The following OPCML variants were observed in gnomAD, a reference collection of about 807,000 sequenced individuals.
OPCML encodes the protein opioid binding protein/cell adhesion molecule like.
A neutral mutation model predicts 37.8 loss-of-function variants in OPCML; 13 were observed. That is an observed-to-expected ratio of 0.34 (90% CI 0.22 to 0.55). The LOEUF is 0.55. OPCML is among the 20% of genes least tolerant of loss of function. The pLI is 0.91. For synonymous variants in OPCML, 176 were observed against 168.8 expected (o/e 1.04, Z -0.33); for missense variants, 341 against 435.6 (o/e 0.78, Z 1.93).
intron 4 of OPCML, among the ~76,000 whole-genome samples, chr11:132,496,111 A>G (rs1423673150): frequency 6.6e-6 from 1 of 152,112 alleles, no homozygotes; most frequent in Non-Finnish European, 1.5e-5. Flanking sequence ...GACAAATCTG[A>G]ATTCCCCCCA....
At chr11:132,918,739 G>A (rs1278221086) in intron 2 of OPCML, among the ~76,000 whole-genome samples, 1 of 152,206 alleles carries the variant, frequency 6.6e-6, no homozygotes, top group East Asian at 1.9e-4. Flanking sequence ...GGCTATAGAG[G>A]TGTCTATTTC....
chr11:133,378,448 G>T (rs549006985), intron 1 of OPCML, among the ~76,000 whole-genome samples: 2 of 152,232 alleles, frequency 1.3e-5, no homozygotes, highest in Admixed American at 6.5e-5. Flanking sequence ...ATAGCATACT[G>T]TGAATATCCC....
chr11:132,931,259 C>T (rs1314832064), intron 2 of OPCML, among the ~76,000 whole-genome samples: 2 of 151,776 alleles, frequency 1.3e-5, no homozygotes, highest in Non-Finnish European at 2.9e-5. Flanking sequence ...TTTGTTGGTG[C>T]CTTCTTAGAT....
chr11:132,631,899 C>G (rs1000583320), intron 3 of OPCML, among the ~76,000 whole-genome samples: 1 of 151,940 alleles, frequency 6.6e-6, no homozygotes, highest in African/African-American at 2.4e-5. Flanking sequence ...TCAATAAATT[C>G]TTTGTGTGTG....
In OPCML at chr11:133,049,949, G is replaced by C. The variant is rs545758224; in HGVS notation, c.62-106939C>G. Among the ~76,000 whole-genome samples the C allele has an allele frequency of 1.0e-3, 154 of 152,302 alleles. 1 individual carries two copies. The highest frequency in any genetic ancestry group is 6.8e-3 in the Middle Eastern group (2 of 294). The stretch of plus-strand genomic sequence containing the variant: ...TATTCAGCCAAACGCTGATCTAGGT[G>C]CTCCTGTACAAGGATTTTGTAGCTA... On this transcript the variant is annotated intron_variant, in intron 1 of 7. Transcript: ENST00000524381.
chr11:132,971,906 C>T (rs1025589322), intron 1 of OPCML, among the ~76,000 whole-genome samples: 4 of 152,178 alleles, frequency 2.6e-5, no homozygotes, highest in Non-Finnish European at 4.4e-5. Context: ...ACTTATTGTA[C>T]TTCAATTACT....
Position 132,692,921 on chromosome 11 carries a change from G to A in OPCML, c.147-35602C>T, listed in dbSNP as rs111667611. On this transcript the variant is annotated intron_variant, in intron 2 of 7. Coordinates refer to ENST00000524381, the MANE Select transcript of OPCML (RefSeq NM_001012393.5). ...ATGGAAATAGCACAATTTTCCTAAA[G>A]CAGACACTTATTAAGAATGGAAATC... 5.3e-5 allele frequency among the ~76,000 whole-genome samples: 8 copies of A among 152,260 alleles called. 1 individual carries two copies. Among genetic ancestry groups the A allele is most frequent in the African/African-American group, 1.9e-4 (8 of 41,562 alleles).
intron 1 of OPCML, among the ~76,000 whole-genome samples, chr11:133,022,628 G>A (rs1246736795): frequency 6.6e-6 from 1 of 152,142 alleles, no homozygotes; most frequent in East Asian, 1.9e-4. Flanking sequence ...CCCAACCAAG[G>A]TGGAACAGAA....
intron 2 of OPCML, among the ~76,000 whole-genome samples, chr11:132,924,075 G>A (rs58549753): frequency 0.048 from 7,263 of 151,620 alleles, 569 homozygotes; most frequent in African/African-American, 0.16. Flanking sequence ...TAATTAAATC[G>A]AAATCTTGTT....
chr11:133,250,118 TAAC>T (rs1941078170), intron 1 of OPCML, among the ~76,000 whole-genome samples: 1 of 152,234 alleles, frequency 6.6e-6, no homozygotes, highest in Non-Finnish European at 1.5e-5. Context: ...CTCAATAACA[TAAC>T]AAATACATTA....
chr11:133,085,797 G>T (rs181582653), intron 1 of OPCML, among the ~76,000 whole-genome samples: 2 of 152,212 alleles, frequency 1.3e-5, no homozygotes, highest in African/African-American at 4.8e-5. Context: ...AGAGAAGAGA[G>T]ACTTCTTGGG....
intron 1 of OPCML, chr11:133,004,597 G>T: frequency 1.0e-6 from 1 of 985,452 alleles, no homozygotes; most frequent in South Asian, 4.7e-5. Flanking sequence ...TCCATGCGAA[G>T]GGTCTGCTCC....
At chr11:132,669,173 T>TCCAAGAAAAGGAC (rs1329914255) in intron 2 of OPCML, among the ~76,000 whole-genome samples, 26 of 152,234 alleles carry the variant, frequency 1.7e-4, no homozygotes, top group African/African-American at 5.1e-4. Context: ...TGTTGTCCTT[T>TCCAAGAAAAGGAC]TCTTGGACAG....
At chr11:133,015,522 C>T (rs910465273) in intron 1 of OPCML, among the ~76,000 whole-genome samples, 1 of 151,838 alleles carries the variant, frequency 6.6e-6, no homozygotes, top group Non-Finnish European at 1.5e-5. Flanking sequence ...ACATAACAGT[C>T]ATGAGAATGT....
intron 1 of OPCML, among the ~76,000 whole-genome samples, chr11:132,994,171 TG>T (rs1256651198): frequency 6.6e-6 from 1 of 152,220 alleles, no homozygotes; most frequent in Non-Finnish European, 1.5e-5. Flanking sequence ...TTAGTCCGAA[TG>T]TAAATAAGAT....
At chr11:133,072,360 C>A (rs1379615020) in intron 1 of OPCML, among the ~76,000 whole-genome samples, 1 of 152,152 alleles carries the variant, frequency 6.6e-6, no homozygotes, top group Admixed American at 6.5e-5. Flanking sequence ...ATAAGTGAGA[C>A]TAAACATTTA....
intron 2 of OPCML, among the ~76,000 whole-genome samples, chr11:132,705,398 C>G (rs936371305): frequency 2.6e-5 from 4 of 151,842 alleles, no homozygotes; most frequent in Non-Finnish European, 4.4e-5. Flanking sequence ...CAAGACCAGT[C>G]TGGGCAACAT....
intron 1 of OPCML, among the ~76,000 whole-genome samples, chr11:133,021,317 A>T (rs1430875110): frequency 6.6e-6 from 1 of 152,180 alleles, no homozygotes; most frequent in Non-Finnish European, 1.5e-5. Context: ...ACAGGAAAGA[A>T]ACTTGTTTTC....
chr11:133,084,552 T>A (rs187613956), intron 1 of OPCML, among the ~76,000 whole-genome samples: 23 of 152,246 alleles, frequency 1.5e-4, no homozygotes, highest in African/African-American at 5.3e-4. Flanking sequence ...AAAATGAAAT[T>A]GAAGGATATT....
Sources: gnomAD v4.1 joint callset for allele counts (sites outside exome capture counted in the v4.1 genomes callset) on GRCh38, gnomAD v4.1.1 for gene constraint, MANE v1.5 for transcripts, NCBI Gene and HGNC (gene_info 2026-07-23, HGNC 2026-07-21) for gene names.